The following PTPRK variants were observed in gnomAD, a reference collection of about 807,000 sequenced individuals.
PTPRK encodes protein tyrosine phosphatase receptor type K, also known as receptor-type tyrosine-protein phosphatase kappa.
Under a neutral mutation model 178.0 loss-of-function variants are expected in PTPRK, and 75 were observed. The ratio of observed to expected loss-of-function variants is 0.42; its 90% CI spans 0.35 to 0.51. PTPRK has a LOEUF of 0.51. PTPRK is among the 20% of genes least tolerant of loss of function. The pLI, the probability that PTPRK is intolerant of heterozygous loss-of-function variation, is 0.02. For missense variants in PTPRK, 1,441 were observed against 1,797.8 expected (o/e 0.80, Z 3.59); for synonymous variants, 637 against 620.6 (o/e 1.03, Z -0.39).
chr6:128,226,787 TA>T (rs1315208774), intron 5 of PTPRK, among the ~76,000 whole-genome samples: 2 of 140,270 alleles, frequency 1.4e-5, no homozygotes, highest in African/African-American at 5.6e-5. Flanking sequence ...TATATATATA[TA>T]TATATATATA....
At chr6:128,496,687 G>T (rs1457071861) in intron 1 of PTPRK, among the ~76,000 whole-genome samples, 3 of 152,050 alleles carry the variant, frequency 2.0e-5, no homozygotes, top group Non-Finnish European at 4.4e-5. Flanking sequence ...TAAATTATTA[G>T]CATCCTGTAA....
intron 7 of PTPRK, among the ~76,000 whole-genome samples, chr6:128,105,202 C>G (rs1228342680): frequency 6.6e-6 from 1 of 151,074 alleles, no homozygotes; most frequent in Admixed American, 6.6e-5. Flanking sequence ...GGCACGATCT[C>G]GGCTCACCGC....
At chr6:128,374,287 C>T (rs1342751403) in intron 2 of PTPRK, among the ~76,000 whole-genome samples, 4 of 152,108 alleles carry the variant, frequency 2.6e-5, no homozygotes, top group Admixed American at 1.3e-4. Flanking sequence ...GCTCTCTATT[C>T]GTACCTATAC....
intron 2 of PTPRK, among the ~76,000 whole-genome samples, chr6:128,347,607 G>T (rs948669568): frequency 6.6e-6 from 1 of 152,100 alleles, no homozygotes; most frequent in Admixed American, 6.6e-5. Flanking sequence ...GTGAGTATGT[G>T]TATGAGGGGA....
intron 7 of PTPRK, among the ~76,000 whole-genome samples, chr6:128,104,689 C>T (rs1182523845): frequency 6.6e-6 from 1 of 152,182 alleles, no homozygotes; most frequent in Non-Finnish European, 1.5e-5. Flanking sequence ...TTGAAGGTTA[C>T]TCTTCGGTAA....
chr6:128,274,693 T>C (rs1239098862), intron 3 of PTPRK, among the ~76,000 whole-genome samples: 1 of 152,064 alleles, frequency 6.6e-6, no homozygotes, highest in Non-Finnish European at 1.5e-5. Flanking sequence ...GGTTTAGAAA[T>C]GCCTCCAAAA....
intron 2 of PTPRK, among the ~76,000 whole-genome samples, chr6:128,344,967 C>T (rs917764712): frequency 3.3e-5 from 5 of 149,324 alleles, no homozygotes; most frequent in Admixed American, 1.3e-4. Flanking sequence ...ACCTGGGGAA[C>T]AGAAGAAAAT....
In PTPRK at chr6:128,298,431, G is replaced by C. The variant is rs185388775; in HGVS notation, c.495+23608C>G. Among the ~76,000 whole-genome samples the C allele has an allele frequency of 4.0e-3, 598 of 149,756 alleles. 47 individuals are homozygous for C. Among genetic ancestry groups the C allele is most frequent in the African/African-American group, 0.014 (557 of 39,464 alleles). Reference sequence around the variant, plus strand: ...GCCGGGCAGAGACACAACCAAAAAAGACCAATATCCTTGATGAACATTGAT... The same window carrying C: ...GCCGGGCAGAGACACAACCAAAAAACACCAATATCCTTGATGAACATTGAT... On this transcript the variant is annotated intron_variant, in intron 3 of 29. Coordinates refer to ENST00000368226, the MANE Select transcript of PTPRK (RefSeq NM_002844.4).
chr6:128,354,990 C>T (rs1833766286), intron 2 of PTPRK, among the ~76,000 whole-genome samples: 1 of 152,172 alleles, frequency 6.6e-6, no homozygotes, highest in South Asian at 2.1e-4. Context: ...GAAACCAGAA[C>T]TCAACTAGTA....
At chr6:128,048,703 T>G (rs535111201) in intron 13 of PTPRK, among the ~76,000 whole-genome samples, 8 of 152,330 alleles carry the variant, frequency 5.3e-5, no homozygotes, top group African/African-American at 1.9e-4. Flanking sequence ...ACACTGTATT[T>G]GGTATTATAA....
At chr6:128,390,069 A>G (rs1839336688) in intron 2 of PTPRK, among the ~76,000 whole-genome samples, 1 of 152,144 alleles carries the variant, frequency 6.6e-6, no homozygotes, top group African/African-American at 2.4e-5. Context: ...AGAGGGCAAA[A>G]GCATCAATAG....
chr6:128,394,982 C>T (rs1380561783), intron 2 of PTPRK, among the ~76,000 whole-genome samples: 1 of 152,040 alleles, frequency 6.6e-6, no homozygotes, highest in Non-Finnish European at 1.5e-5. Flanking sequence ...AGTTCCCAAA[C>T]ATTTGGGGTT....
At chr6:128,278,747 G>C (rs1821195191) in intron 3 of PTPRK, among the ~76,000 whole-genome samples, 1 of 151,968 alleles carries the variant, frequency 6.6e-6, no homozygotes, top group Non-Finnish European at 1.5e-5. Flanking sequence ...AAACACACAA[G>C]ACTATAAAAA....
Position 128,170,759 on chromosome 6 carries a change from A to G in PTPRK, c.1162+13673T>C, listed in dbSNP as rs191950341. Among the ~76,000 whole-genome samples, 259 of 152,174 alleles carry G rather than the reference A, an allele frequency of 1.7e-3. 1 individual carries two copies. Among genetic ancestry groups the G allele is most frequent in the African/African-American group, 5.9e-3 (246 of 41,552 alleles). ...GACTTGCAGAGAACATTTAAGCAGT[A>G]CAAAATTTATCACTAAAATAATGAA... On this transcript the variant is annotated intron_variant, in intron 7 of 29. Coordinates refer to ENST00000368226, the MANE Select transcript of PTPRK (RefSeq NM_002844.4).
At chr6:128,212,493 G>T (rs759281218) in intron 6 of PTPRK, among the ~76,000 whole-genome samples, 1 of 151,978 alleles carries the variant, frequency 6.6e-6, no homozygotes, top group Non-Finnish European at 1.5e-5. Flanking sequence ...GGAGTCCCTT[G>T]GTAGACGGAA....
chr6:128,462,609 G>GA (rs1242076090), intron 1 of PTPRK, among the ~76,000 whole-genome samples: 2 of 150,406 alleles, frequency 1.3e-5, no homozygotes, highest in African/African-American at 2.4e-5. Context: ...GGCTATCTGG[G>GA]AAAAAAGTAG....
At chr6:128,371,935 AT>A (rs1464546063) in intron 2 of PTPRK, among the ~76,000 whole-genome samples, 1 of 151,994 alleles carries the variant, frequency 6.6e-6, no homozygotes, top group African/African-American at 2.4e-5. Flanking sequence ...TTCATCACCA[AT>A]TTCTCAGCTT....
chr6:128,505,373 G>A (rs1396657374), intron 1 of PTPRK, among the ~76,000 whole-genome samples: 4 of 151,514 alleles, frequency 2.6e-5, no homozygotes, highest in African/African-American at 4.8e-5. Flanking sequence ...CCTGGGAGGC[G>A]GAGGTTGCAG....
intron 1 of PTPRK, among the ~76,000 whole-genome samples, chr6:128,429,412 C>T (rs1176477866): frequency 2.6e-5 from 4 of 152,158 alleles, no homozygotes; most frequent in African/African-American, 9.7e-5. Context: ...AAGCCTATGA[C>T]CTCCAGGTGA....
Sources: allele counts gnomAD v4.1 joint callset (sites outside exome capture counted in the v4.1 genomes callset), GRCh38; gene constraint gnomAD v4.1.1; transcripts MANE v1.5; gene names NCBI Gene and HGNC (gene_info 2026-07-23, HGNC 2026-07-21).